RBFOX1: variants seen among roughly 807,000 people sequenced by gnomAD.
RBFOX1 encodes RNA binding fox-1 homolog 1, also known as RNA binding protein fox-1 homolog 1.
Under a neutral mutation model 57.7 loss-of-function variants are expected in RBFOX1, and 8 were observed. That is an observed-to-expected ratio of 0.14 (90% CI 0.08 to 0.25). The LOEUF (loss-of-function observed/expected upper bound fraction) is 0.25. Among genes scored for constraint, RBFOX1 ranks in the 10% least tolerant of loss-of-function variants. The pLI is 1.00. For synonymous variants in RBFOX1, 326 were observed against 222.4 expected (o/e 1.47, Z -4.15); for missense variants, 611 against 548.5 (o/e 1.11, Z -1.14).
At chr16:5,365,138 A>G (rs1019693145) in intron 1 of RBFOX1, among the ~76,000 whole-genome samples, 7 of 151,928 alleles carry the variant, frequency 4.6e-5, no homozygotes, top group Non-Finnish European at 7.4e-5. Flanking sequence ...CTGCTGGTGG[A>G]CTCCGGAGGC....
At chr16:5,736,383 G>A (rs770136176) in intron 3 of RBFOX1, among the ~76,000 whole-genome samples, 1 of 152,078 alleles carries the variant, frequency 6.6e-6, no homozygotes, top group African/African-American at 2.4e-5. Flanking sequence ...AAGTGCACCC[G>A]AGTAGCACTG....
intron 4 of RBFOX1, among the ~76,000 whole-genome samples, chr16:7,327,438 AC>A (rs2096625630): frequency 6.6e-6 from 1 of 152,230 alleles, no homozygotes; most frequent in African/African-American, 2.4e-5. Flanking sequence ...TTGTCTGGAA[AC>A]AAAGTGAGTG....
chr16:6,809,500 C>G (rs747071906), intron 3 of RBFOX1, among the ~76,000 whole-genome samples: 19 of 152,132 alleles, frequency 1.2e-4, no homozygotes, highest in Admixed American at 3.9e-4. Context: ...CATTGAAGAG[C>G]TGTCATTCAC....
chr16:7,351,893 G>A (rs945546662), intron 4 of RBFOX1, among the ~76,000 whole-genome samples: 2 of 152,106 alleles, frequency 1.3e-5, no homozygotes, highest in African/African-American at 2.4e-5. Context: ...CTGATCTGCT[G>A]CCAAGGAGTT....
intron 1 of RBFOX1, among the ~76,000 whole-genome samples, chr16:6,153,830 C>T (rs1242070725): frequency 6.6e-6 from 1 of 152,176 alleles, no homozygotes; most frequent in African/African-American, 2.4e-5. Flanking sequence ...GCCACCATGC[C>T]CGGCCCATTA....
At chr16:6,459,303 T>C (rs2094851923) in intron 2 of RBFOX1, among the ~76,000 whole-genome samples, 1 of 152,174 alleles carries the variant, frequency 6.6e-6, no homozygotes. Context: ...GCCACTGCAC[T>C]CCAGCCTGGG....
rs1029569936 is a variant in RBFOX1 at position 6,974,454 on chromosome 16, C to T, written c.-15-77603C>T. ...TCGCCTCCCAGGTTCAAGGAATTATCCTGCCTCAGCCTCCCAAGTAGCTGA... is the reference window on the plus strand; with the variant it reads ...TCGCCTCCCAGGTTCAAGGAATTATTCTGCCTCAGCCTCCCAAGTAGCTGA... On this transcript the variant is annotated intron_variant, in intron 3 of 15. Transcript: ENST00000550418. Among the ~76,000 whole-genome samples, 3 of 144,358 alleles carry T rather than the reference C, an allele frequency of 2.1e-5. No homozygotes were observed. In the East Asian group the frequency reaches 6.8e-4, roughly 33 times the overall value. The allele number at this position is 144,358 out of a possible 152,430, so 94.7% of individuals were successfully genotyped here.
At chr16:6,826,725 C>T (rs1021274115) in intron 3 of RBFOX1, among the ~76,000 whole-genome samples, 2 of 152,034 alleles carry the variant, frequency 1.3e-5, no homozygotes, top group African/African-American at 4.8e-5. Context: ...ATTTTTCTCA[C>T]GCTCATTTCT....
At chr16:7,704,954 G>A (rs1205965331) in intron 14 of RBFOX1, among the ~76,000 whole-genome samples, 2 of 151,018 alleles carry the variant, frequency 1.3e-5, no homozygotes, top group Admixed American at 1.3e-4. Context: ...GGCTGAGGCA[G>A]AATCGCTTGA....
At chr16:7,077,455 C>A (rs150561320) in intron 4 of RBFOX1, among the ~76,000 whole-genome samples, 3 of 152,078 alleles carry the variant, frequency 2.0e-5, no homozygotes, top group Non-Finnish European at 2.9e-5. Flanking sequence ...GTCTCAAAGA[C>A]GAACTAATCT....
At chr16:7,569,430 G>A (rs1201058579) in intron 5 of RBFOX1, among the ~76,000 whole-genome samples, 8 of 152,140 alleles carry the variant, frequency 5.3e-5, no homozygotes, top group African/African-American at 1.9e-4. Context: ...ATGGTGGGTT[G>A]AGTTTTTCTC....
chr16:7,163,112 A>C (rs937602161), intron 4 of RBFOX1, among the ~76,000 whole-genome samples: 5 of 152,164 alleles, frequency 3.3e-5, no homozygotes, highest in Admixed American at 6.5e-5. Context: ...TTCCTAAGTT[A>C]CTGAATGCAT....
chr16:7,419,711 G>C (rs879884704), intron 4 of RBFOX1, among the ~76,000 whole-genome samples: 3 of 151,996 alleles, frequency 2.0e-5, no homozygotes, highest in Non-Finnish European at 2.9e-5. Flanking sequence ...TTCCTGTTTT[G>C]TCTGTTTACC....
At chr16:5,988,664 G>C (rs1167407428) in intron 4 of RBFOX1, among the ~76,000 whole-genome samples, 1 of 152,226 alleles carries the variant, frequency 6.6e-6, no homozygotes, top group African/African-American at 2.4e-5. Context: ...CTGATCATGA[G>C]TGAGCTGGAG....
chr16:6,572,400 A>G (rs1375376520), intron 2 of RBFOX1, among the ~76,000 whole-genome samples: 2 of 152,212 alleles, frequency 1.3e-5, no homozygotes, highest in African/African-American at 4.8e-5. Context: ...TACTTACAGG[A>G]TCAAAACTAT....
intron 4 of RBFOX1, among the ~76,000 whole-genome samples, chr16:5,894,722 C>G (rs2058120785): frequency 6.6e-6 from 1 of 152,062 alleles, no homozygotes; most frequent in South Asian, 2.1e-4. Flanking sequence ...GAAGAAGAAA[C>G]AGGAAATTCA....
At chr16:6,006,240 G>A (rs529970749) in intron 4 of RBFOX1, among the ~76,000 whole-genome samples, 2 of 152,254 alleles carry the variant, frequency 1.3e-5, no homozygotes, top group African/African-American at 4.8e-5. Flanking sequence ...GGTTGAATCT[G>A]TACTCTGGTT....
chr16:6,915,517 C>G (rs989180238), intron 3 of RBFOX1, among the ~76,000 whole-genome samples: 2 of 150,766 alleles, frequency 1.3e-5, no homozygotes, highest in South Asian at 2.1e-4. Flanking sequence ...TAAACAATAA[C>G]TATTTTTTCT....
At chr16:5,325,453 G>T (rs912430134) in intron 1 of RBFOX1, among the ~76,000 whole-genome samples, 1 of 151,966 alleles carries the variant, frequency 6.6e-6, no homozygotes, top group Non-Finnish European at 1.5e-5. Flanking sequence ...TTAAATTAAC[G>T]TACAGTAAAA....
Sources: gnomAD v4.1 joint callset for allele counts (sites outside exome capture counted in the v4.1 genomes callset) on GRCh38, gnomAD v4.1.1 for gene constraint, MANE v1.5 for transcripts, NCBI Gene and HGNC (gene_info 2026-07-23, HGNC 2026-07-21) for gene names.